The following ARID2 variants were observed in gnomAD, a reference collection of about 807,000 sequenced individuals.
The protein encoded by ARID2 is AT-rich interactive domain-containing protein 2.
Under a neutral mutation model 184.6 loss-of-function variants are expected in ARID2, and 32 were observed. The observed-to-expected ratio is 0.17, with a 90% CI of 0.13 to 0.23. The LOEUF is 0.23. ARID2 is among the 10% of genes least tolerant of loss of function. The pLI, the probability that ARID2 is intolerant of heterozygous loss-of-function variation, is 1.00. For missense variants in ARID2, 1,696 were observed against 2,197.6 expected (o/e 0.77, Z 4.56); for synonymous variants, 836 against 772.6 (o/e 1.08, Z -1.36).
chr12:45,779,762 T>A (rs991763877), intron 3 of ARID2, among the ~76,000 whole-genome samples: 1 of 152,062 alleles, frequency 6.6e-6, no homozygotes, highest in African/African-American at 2.4e-5. Context: ...AATAATATTA[T>A]TGAAATAAAG....
Position 45,852,138 on chromosome 12 carries a change from CAG to C in ARID2, c.4017_4018del (p.Asn1340LeufsTer12), listed in dbSNP as rs1592121317. 6.2e-7 allele frequency: 1 copy of C among 1,614,050 alleles called. No individual in the cohort carries two copies. Among genetic ancestry groups the C allele is most frequent in the Non-Finnish European group, 8.5e-7 (1 of 1,179,984 alleles). ...ELGENGASGK[Q>X]NSEQIDMQDI... is the part of the protein sequence containing the mutation. ...AGGTGAGAATGGAGCATCTGGGAAACAGAACTCAGAACAAATAGACATGCAAG... is the reference window on the plus strand; with the variant it reads ...AGGTGAGAATGGAGCATCTGGGAAACAACTCAGAACAAATAGACATGCAAG... On this transcript the variant is annotated frameshift_variant, in exon 15 of 21. Coordinates refer to ENST00000334344, the MANE Select transcript of ARID2 (RefSeq NM_152641.4). LOFTEE classifies it high-confidence loss of function.
At chr12:45,837,818 G>A (rs1943248491) in intron 10 of ARID2, 111 bp downstream of exon 10, 3 of 885,606 alleles carry the variant, frequency 3.4e-6, no homozygotes, top group South Asian at 4.8e-5. Context: ...ATTTTGAAGA[G>A]TCATTACCTC....
chr12:45,806,660 G>GTT (rs1484993083), intron 3 of ARID2, among the ~76,000 whole-genome samples: 9 of 151,808 alleles, frequency 5.9e-5, no homozygotes, highest in Admixed American at 5.9e-4. Context: ...ATATCTCTCT[G>GTT]TTTTTCTCTC....
intron 3 of ARID2, among the ~76,000 whole-genome samples, chr12:45,755,500 G>A (rs1941550713): frequency 6.6e-6 from 1 of 152,192 alleles, no homozygotes; most frequent in South Asian, 2.1e-4. Flanking sequence ...TAGGCTTATC[G>A]TTGTAAGTAT....
At chr12:45,790,647 A>C (rs1427318993) in intron 3 of ARID2, among the ~76,000 whole-genome samples, 1 of 152,218 alleles carries the variant, frequency 6.6e-6, no homozygotes, top group Non-Finnish European at 1.5e-5. Flanking sequence ...AATGGTAATA[A>C]ATTAGTAAAT....
intron 3 of ARID2, among the ~76,000 whole-genome samples, chr12:45,763,208 C>T (rs958926169): frequency 2.6e-5 from 4 of 152,138 alleles, no homozygotes; most frequent in Non-Finnish European, 5.9e-5. Context: ...CGGTGGCTCA[C>T]GCCTGTAATC....
At chr12:45,736,250 G>T (rs781322951) in intron 3 of ARID2, among the ~76,000 whole-genome samples, 8 of 152,102 alleles carry the variant, frequency 5.3e-5, no homozygotes, top group Non-Finnish European at 2.9e-5. Context: ...CCAGCTACTC[G>T]GGAGGCTGAG....
chr12:45,760,643 A>ATG (rs1475235840), intron 3 of ARID2, among the ~76,000 whole-genome samples: 2 of 152,030 alleles, frequency 1.3e-5, no homozygotes, highest in African/African-American at 4.8e-5. Flanking sequence ...GGCTGTATAT[A>ATG]TGTGTATCTG....
chr12:45,878,813 T>A (rs1944053053), intron 16 of ARID2, among the ~76,000 whole-genome samples: 5 of 152,154 alleles, frequency 3.3e-5, no homozygotes, highest in Admixed American at 3.3e-4. Flanking sequence ...GCCTTGTCAG[T>A]TTTTGTTAAG....
In ARID2 at chr12:45,769,902, G is replaced by GA. The variant is rs200349366; in HGVS notation, c.284+38594dup. On this transcript the variant is annotated intron_variant, in intron 3 of 20. Coordinates refer to ENST00000334344, the MANE Select transcript of ARID2 (RefSeq NM_152641.4). ...GGGATAAGATCAAGGGCTTAAAGGGGAAAAAACCAAACAAACCTGTCAACC... is the reference window on the plus strand; with the variant it reads ...GGGATAAGATCAAGGGCTTAAAGGGGAAAAAAACCAAACAAACCTGTCAACC... Among the ~76,000 whole-genome samples the GA allele has an allele frequency of 1.2e-3, 187 of 152,170 alleles. 1 individual carries two copies. In the East Asian group the frequency reaches 0.015, roughly 12 times the overall value.
rs191879944 is a variant in ARID2, at chr12:45,745,672, T to C, written c.284+14358T>C. On this transcript the variant is annotated intron_variant, in intron 3 of 20. Transcript: ENST00000334344. ...AAGTGATTCTCATGTTTCAGTCTCC[T>C]GAGTAGGTGGGACTACAGGCACACA... Among the ~76,000 whole-genome samples the C allele has an allele frequency of 1.8e-3, 280 of 152,268 alleles. 1 individual carries two copies. Among genetic ancestry groups the C allele is most frequent in the African/African-American group, 6.2e-3 (259 of 41,552 alleles).
intron 20 of ARID2, among the ~76,000 whole-genome samples, chr12:45,899,375 C>T (rs1198201141): frequency 2.7e-5 from 4 of 148,338 alleles, no homozygotes; most frequent in African/African-American, 7.5e-5. Context: ...GAGGCCAAGG[C>T]GGGCAGATCA....
chr12:45,904,792 C>A, intron 20 of ARID2, 142 bp from the exon 21 acceptor site: 1 of 710,666 alleles, frequency 1.4e-6, no homozygotes, highest in Non-Finnish European at 2.1e-6. Flanking sequence ...GCTTCCCTCT[C>A]TTCCTGCAAT....
At chr12:45,844,906 T>C (rs535750047) in intron 11 of ARID2, among the ~76,000 whole-genome samples, 8 of 152,128 alleles carry the variant, frequency 5.3e-5, no homozygotes, top group Non-Finnish European at 1.2e-4. Context: ...GATTCCAAAA[T>C]GAGAGAAAAA....
chr12:45,906,058 A>G lies in ARID2; in HGVS notation c.*980A>G, dbSNP rs1944526724. On this transcript the variant is annotated 3_prime_UTR_variant, in exon 21 of 21. Transcript: ENST00000334344. The stretch of plus-strand genomic sequence containing the variant: ...TTTAGAAGAAAAACTATTTGAAGGT[A>G]TTTTTTGGTTTTCCTTAACATGTAT... The G allele has an allele frequency of 4.4e-6, 1 of 229,464 alleles. No individual in the cohort carries two copies. Among genetic ancestry groups the G allele is most frequent in the Non-Finnish European group, 8.6e-6 (1 of 116,860 alleles). The allele number at this position is 229,464 out of a possible 1,614,324, so 14.2% of individuals were successfully genotyped here. A position where few individuals can be genotyped will look rare whatever the true frequency, so the allele number is the denominator to read the frequency against.
chr12:45,840,908 C>A (rs867106026), intron 11 of ARID2: 4 of 152,122 alleles, frequency 2.6e-5, no homozygotes, highest in African/African-American at 9.7e-5. Context: ...CAAAAGTGGA[C>A]AAATAACAGA....
chr12:45,739,787 T>C (rs1941214886), intron 3 of ARID2, among the ~76,000 whole-genome samples: 1 of 152,178 alleles, frequency 6.6e-6, no homozygotes, highest in African/African-American at 2.4e-5. Flanking sequence ...AATGTTAATA[T>C]AAACATACAT....
At chr12:45,860,034 G>A (rs1262361886) in intron 15 of ARID2, among the ~76,000 whole-genome samples, 1 of 152,048 alleles carries the variant, frequency 6.6e-6, no homozygotes. Flanking sequence ...GCCCAGCCTA[G>A]AATTCTTACA....
In ARID2 at chr12:45,795,986, C is replaced by T. The variant is rs542598466; in HGVS notation, c.285-15432C>T. Among the ~76,000 whole-genome samples, 221 of 152,110 alleles carry T rather than the reference C, an allele frequency of 1.5e-3. 1 individual carries two copies. The highest frequency in any genetic ancestry group is 5.1e-3 in the African/African-American group (210 of 41,486). On this transcript the variant is annotated intron_variant, in intron 3 of 20. Coordinates refer to ENST00000334344, the MANE Select transcript of ARID2 (RefSeq NM_152641.4). ...TTATTTGTTTAAATTCCCTGGTCTC[C>T]GCTCCTGTCTACTGTACTCGTTTTA...
Sources: allele counts gnomAD v4.1 joint callset (sites outside exome capture counted in the v4.1 genomes callset), GRCh38; gene constraint gnomAD v4.1.1; transcripts MANE v1.5; gene names NCBI Gene and HGNC (gene_info 2026-07-23, HGNC 2026-07-21).